Variants in SLC9A4 observed in about 807,000 individuals in gnomAD.
The protein encoded by SLC9A4 is solute carrier family 9 member A4.
Under a neutral mutation model 67.4 loss-of-function variants are expected in SLC9A4, and 63 were observed. That is an observed-to-expected ratio of 0.93 (90% CI 0.76 to 1.15). SLC9A4 has a LOEUF of 1.15. Ranked by LOEUF, SLC9A4 falls within the 50% of genes most tolerant of loss-of-function variation. The probability of loss-of-function intolerance (pLI) is 0.00; values close to 1 mark genes in which losing one functional copy is unlikely to be tolerated. For missense variants in SLC9A4, 1,089 were observed against 987.7 expected (o/e 1.10, Z -1.38); for synonymous variants, 393 against 367.2 (o/e 1.07, Z -0.80).
chr2:102,503,217 C>T lies in SLC9A4; in HGVS notation c.721-231C>T, dbSNP rs191045571. ...TGAAAGCTTTGCAAAGAGACAGGCA[C>T]GTAGTAGGTGCTCAGTGATTGGAAG... is the stretch of plus-strand genomic sequence containing the variant. On this transcript the variant is annotated intron_variant, in intron 2 of 11. Transcript: ENST00000295269. 9.9e-5 allele frequency among the ~76,000 whole-genome samples: 15 copies of T among 152,266 alleles called. No individual in the cohort carries two copies. In the East Asian group the frequency reaches 2.7e-3, roughly 27 times the overall value.
chr2:102,473,234 C>T lies in SLC9A4; in HGVS notation c.-526C>T, dbSNP rs1684257929. 1 of 152,886 alleles carries T rather than the reference C, an allele frequency of 6.5e-6. No individual in the cohort carries two copies. The highest frequency in any genetic ancestry group is 1.5e-5 in the Non-Finnish European group (1 of 68,604). 9.5% of individuals were successfully genotyped at this position (152,886 alleles called of 1,614,324 possible). A position where few individuals can be genotyped will look rare whatever the true frequency, so the allele number is the denominator to read the frequency against. ...TACCTGAAGCCGTGGTCATTCAAAA[C>T]AAATGAGAGGACAGGGGGAGGAGAG... On this transcript the variant is annotated 5_prime_UTR_variant, in exon 1 of 12. Coordinates refer to ENST00000295269, the MANE Select transcript of SLC9A4 (RefSeq NM_001011552.4).
intron 2 of SLC9A4, among the ~76,000 whole-genome samples, chr2:102,494,878 A>T (rs1267609472): frequency 6.6e-6 from 1 of 152,144 alleles, no homozygotes; most frequent in Non-Finnish European, 1.5e-5. Flanking sequence ...TGACAATTCT[A>T]TAATTTTAGT....
At chr2:102,512,534 T>C (rs1471075550) in intron 7 of SLC9A4, among the ~76,000 whole-genome samples, 1 of 152,120 alleles carries the variant, frequency 6.6e-6, no homozygotes, top group Non-Finnish European at 1.5e-5. Context: ...AGAAAAGTAA[T>C]ATTTAAGTTA....
intron 8 of SLC9A4, among the ~76,000 whole-genome samples, chr2:102,514,468 T>C (rs1474260723): frequency 6.6e-6 from 1 of 152,254 alleles, no homozygotes; most frequent in Admixed American, 6.5e-5. Context: ...TAGCAAATGT[T>C]GCTTCCTTAG....
At chr2:102,519,724 C>A in intron 8 of SLC9A4, 135 bp from the exon 9 acceptor site, 1 of 693,580 alleles carries the variant, frequency 1.4e-6, no homozygotes, top group Non-Finnish European at 2.2e-6. Flanking sequence ...CTTACTAGAA[C>A]AATAGGAAAA....
rs551304359 is a variant in SLC9A4 at position 102,500,768 on chromosome 2, T to C, written c.721-2680T>C. 3.9e-5 allele frequency among the ~76,000 whole-genome samples: 6 copies of C among 152,254 alleles called. No homozygotes were observed. The South Asian group carries it at 1.2e-3, about 32-fold the overall frequency. ...TAACCTCCTGCTGCTTTTGCTTGTA[T>C]CTGTCCCTAGAGGACAGCCTCCCTC... is the stretch of plus-strand genomic sequence containing the variant. On this transcript the variant is annotated intron_variant, in intron 2 of 11. Transcript: ENST00000295269.
At chr2:102,512,075 G>A (rs1048157846) in intron 6 of SLC9A4, 128 bp from the exon 7 acceptor site, 7 of 889,916 alleles carry the variant, frequency 7.9e-6, no homozygotes, top group Non-Finnish European at 1.2e-5. Context: ...CATGAACACA[G>A]TGATAGAAAG....
At chr2:102,531,323 A>T (rs1674775555) in intron 11 of SLC9A4, among the ~76,000 whole-genome samples, 1 of 152,204 alleles carries the variant, frequency 6.6e-6, no homozygotes, top group South Asian at 2.1e-4. Flanking sequence ...AGTAAATGAT[A>T]TATGTGAGAA....
intron 1 of SLC9A4, among the ~76,000 whole-genome samples, chr2:102,474,377 A>G (rs1308776248): frequency 6.6e-6 from 1 of 152,202 alleles, no homozygotes; most frequent in Non-Finnish European, 1.5e-5. Context: ...AATTTCAGGA[A>G]ACACATAATG....
At chr2:102,484,249 C>A (rs1166346149) in intron 2 of SLC9A4, among the ~76,000 whole-genome samples, 3 of 152,160 alleles carry the variant, frequency 2.0e-5, no homozygotes, top group African/African-American at 7.2e-5. Flanking sequence ...AGCTCTCCCT[C>A]CTCCCAAACT....
At chr2:102,519,046 A>T (rs1402031833) in intron 8 of SLC9A4, among the ~76,000 whole-genome samples, 2 of 152,192 alleles carry the variant, frequency 1.3e-5, no homozygotes, top group African/African-American at 4.8e-5. Flanking sequence ...GTAATCAAAT[A>T]CATTTGTCAC....
At chr2:102,525,307 G>C (rs772425868) in intron 10 of SLC9A4, 152 bp downstream of exon 10, 2 of 1,300,106 alleles carry the variant, frequency 1.5e-6, no homozygotes, top group Non-Finnish European at 2.1e-6. Context: ...TAAAGCAAGA[G>C]TGCAGGACAC....
intron 2 of SLC9A4, among the ~76,000 whole-genome samples, chr2:102,495,541 C>A (rs1201783534): frequency 6.6e-6 from 1 of 152,058 alleles, no homozygotes; most frequent in Non-Finnish European, 1.5e-5. Context: ...ATGTGAATGA[C>A]CTAGATTACA....
At chr2:102,518,451 C>T (rs1428972849) in intron 8 of SLC9A4, among the ~76,000 whole-genome samples, 1 of 152,134 alleles carries the variant, frequency 6.6e-6, no homozygotes, top group African/African-American at 2.4e-5. Flanking sequence ...GACATTTAAA[C>T]AGTTAGGTTT....
chr2:102,487,601 T>C (rs1684614533), intron 2 of SLC9A4, among the ~76,000 whole-genome samples: 1 of 152,214 alleles, frequency 6.6e-6, no homozygotes, highest in African/African-American at 2.4e-5. Context: ...TTTGGTTCAT[T>C]TTCTTCTGGC....
chr2:102,488,569 G>C (rs1684634556), intron 2 of SLC9A4, among the ~76,000 whole-genome samples: 2 of 130,068 alleles, frequency 1.5e-5, no homozygotes, highest in South Asian at 4.7e-4. Context: ...TTTTTTTTGA[G>C]ACGGAGTCTC....
intron 1 of SLC9A4, among the ~76,000 whole-genome samples, chr2:102,478,157 A>G (rs1684372209): frequency 6.6e-6 from 1 of 152,190 alleles, no homozygotes; most frequent in Non-Finnish European, 1.5e-5. Flanking sequence ...GTGAGACTGG[A>G]GGTCAAGAAG....
chr2:102,514,325 T>A, intron 8 of SLC9A4, 74 bp downstream of exon 8: 1 of 1,059,698 alleles, frequency 9.4e-7, no homozygotes. Context: ...TTGCCTCATT[T>A]AAAGGTATAC....
chr2:102,526,188 C>T, intron 10 of SLC9A4, 71 bp from the exon 11 acceptor site: 2 of 1,511,778 alleles, frequency 1.3e-6, no homozygotes, highest in Non-Finnish European at 9.1e-7. Flanking sequence ...GTGTCTGGCC[C>T]TTTATTTGCC....
Sources: gnomAD v4.1 joint callset for allele counts (sites outside exome capture counted in the v4.1 genomes callset) on GRCh38, gnomAD v4.1.1 for gene constraint, MANE v1.5 for transcripts, NCBI Gene and HGNC (gene_info 2026-07-23, HGNC 2026-07-21) for gene names.